Variants in UNC13C observed in about 807,000 individuals in gnomAD.
UNC13C encodes the protein unc-13 homolog C, also known as protein unc-13 homolog C.
Under a neutral mutation model 245.4 loss-of-function variants are expected in UNC13C, and 174 were observed. That is an observed-to-expected ratio of 0.71 (90% CI 0.63 to 0.80). The LOEUF is 0.80. Among genes scored for constraint, UNC13C ranks in the 30% least tolerant of loss-of-function variants. The pLI, the probability that UNC13C is intolerant of heterozygous loss-of-function variation, is 0.00. For synonymous variants in UNC13C, 992 were observed against 895.1 expected (o/e 1.11, Z -1.93); for missense variants, 2,829 against 2,602.9 (o/e 1.09, Z -1.89).
chr15:54,429,851 A>G (rs2040836451), intron 19 of UNC13C, among the ~76,000 whole-genome samples: 1 of 151,732 alleles, frequency 6.6e-6, no homozygotes. Flanking sequence ...CAGAAAGTAA[A>G]AAGTAATATA....
chr15:54,431,167 G>T (rs1231243294), intron 19 of UNC13C, among the ~76,000 whole-genome samples: 1 of 151,724 alleles, frequency 6.6e-6, no homozygotes, highest in Admixed American at 6.6e-5. Flanking sequence ...ATATATCCAA[G>T]AAATTTAATG....
chr15:54,349,693 A>G (rs2038937377), intron 17 of UNC13C, among the ~76,000 whole-genome samples: 1 of 152,214 alleles, frequency 6.6e-6, no homozygotes, highest in Non-Finnish European at 1.5e-5. Context: ...GTTGGCAAGT[A>G]AGCCGGGAGC....
intron 1 of UNC13C, among the ~76,000 whole-genome samples, chr15:53,996,603 G>A (rs1566938057): frequency 6.6e-6 from 1 of 152,078 alleles, no homozygotes; most frequent in African/African-American, 2.4e-5. Flanking sequence ...ACCCTAGAAA[G>A]CTTTCTCATA....
At chr15:54,175,508 ATTT>A (rs55925649) in intron 4 of UNC13C, among the ~76,000 whole-genome samples, 14 of 105,978 alleles carry the variant, frequency 1.3e-4, no homozygotes, top group Non-Finnish European at 1.3e-4. Flanking sequence ...TGGCCCTAGA[ATTT>A]TTTTTTTTTT....
At chr15:54,187,993 T>C (rs866392139) in intron 4 of UNC13C, among the ~76,000 whole-genome samples, 3 of 152,164 alleles carry the variant, frequency 2.0e-5, no homozygotes, top group Non-Finnish European at 4.4e-5. Flanking sequence ...AATTTTTATA[T>C]TTTTTGTAGA....
At chr15:53,861,342 G>C in the UNC13C span, among the ~76,000 whole-genome samples, 2 of 152,092 alleles carry the variant, frequency 1.3e-5, no homozygotes, top group Non-Finnish European at 2.9e-5. Context: ...GATATAATTG[G>C]AAACTTTATC....
chr15:54,342,336 A>C (rs1351768338), intron 17 of UNC13C, among the ~76,000 whole-genome samples: 3 of 152,298 alleles, frequency 2.0e-5, no homozygotes, highest in Non-Finnish European at 4.4e-5. Flanking sequence ...ACTTCTATAA[A>C]ATTGGATTTT....
intron 4 of UNC13C, among the ~76,000 whole-genome samples, chr15:54,214,913 C>T (rs937714716): frequency 6.6e-6 from 1 of 151,658 alleles, no homozygotes; most frequent in African/African-American, 2.4e-5. Flanking sequence ...AAATTGAGAC[C>T]CTAAATAGCA....
At chr15:54,338,009 A>G (rs1050206548) in intron 16 of UNC13C, among the ~76,000 whole-genome samples, 3 of 152,142 alleles carry the variant, frequency 2.0e-5, no homozygotes, top group Admixed American at 6.5e-5. Flanking sequence ...ACTTAAGCCC[A>G]TGAGGAAAGG....
intron 22 of UNC13C, among the ~76,000 whole-genome samples, chr15:54,504,341 T>C (rs1044244469): frequency 1.8e-4 from 27 of 152,196 alleles, no homozygotes; most frequent in African/African-American, 6.5e-4. Flanking sequence ...TGATAATTCA[T>C]TGAGCATTAT....
chr15:54,082,536 C>T (rs1035164053), intron 2 of UNC13C, among the ~76,000 whole-genome samples: 3 of 152,128 alleles, frequency 2.0e-5, no homozygotes, highest in Admixed American at 1.3e-4. Context: ...CATTGAGTTT[C>T]CTTGCAATCT....
chr15:54,082,402 C>T (rs1037069560), intron 2 of UNC13C, among the ~76,000 whole-genome samples: 2 of 152,080 alleles, frequency 1.3e-5, no homozygotes, highest in Non-Finnish European at 1.5e-5. Flanking sequence ...ATCATAATGC[C>T]GATTAGTCAT....
chr15:54,405,481 G>A (rs895721295), intron 18 of UNC13C, among the ~76,000 whole-genome samples: 3 of 152,094 alleles, frequency 2.0e-5, no homozygotes, highest in African/African-American at 7.2e-5. Flanking sequence ...AACAAACTCT[G>A]CCTTTTAAAT....
In UNC13C at chr15:54,013,079, T is replaced by G. The variant is rs867089541; in HGVS notation, c.176T>G (p.Phe59Cys). The change falls in exon 2 of 33, where the codon TTT (phenylalanine) becomes TGT (cysteine). Residue 59 changes from phenylalanine to cysteine, a missense_variant. Transcript: ENST00000260323. The part of the protein sequence containing the change: ...QTKSPKFSYT[F>C]KSTVKKIAKC... ...AAATCCCCCAAATTTTCTTACACTT[T>G]TAAAAGCACTGTAAAGAAGATTGCA... 1 of 1,613,888 alleles carries G rather than the reference T, an allele frequency of 6.2e-7. No individual in the cohort carries two copies. The highest frequency in any genetic ancestry group is 1.7e-5 in the Admixed American group (1 of 59,978).
chr15:54,379,035 G>A (rs995660024), intron 17 of UNC13C, among the ~76,000 whole-genome samples: 11 of 151,848 alleles, frequency 7.2e-5, no homozygotes, highest in African/African-American at 2.4e-4. Flanking sequence ...TCTAATATAT[G>A]GAAATTCCTA....
chr15:54,069,192 G>A (rs554622832), intron 2 of UNC13C, among the ~76,000 whole-genome samples: 13 of 152,248 alleles, frequency 8.5e-5, no homozygotes, highest in Middle Eastern at 3.4e-3. Context: ...GAAGGAGTGC[G>A]TTCCTCTTCT....
At position 54,048,726 on chromosome 15, in the gene UNC13C, C is replaced by A. The variant is rs146508222; in HGVS notation, c.2983+32840C>A. The A allele has an allele frequency of 2.2e-3, 611 of 281,060 alleles. 7 individuals carry two copies. The highest frequency in any genetic ancestry group is 0.013 in the African/African-American group (593 of 44,410). 17.4% of individuals were successfully genotyped at this position (281,060 alleles called of 1,614,324 possible). ...ATCATCTTCCCATTTTGAACTGCCT[C>A]CATATTCAGGGAGAATAACAGGATA... On this transcript the variant is annotated intron_variant, in intron 2 of 32. Transcript: ENST00000260323.
chr15:54,608,150 A>G (rs1899877222), intron 30 of UNC13C, among the ~76,000 whole-genome samples: 1 of 152,236 alleles, frequency 6.6e-6, no homozygotes, highest in South Asian at 2.1e-4. Context: ...AAAAACACTT[A>G]TATTTAAGTT....
chr15:54,547,276 C>T (rs1896528552), intron 27 of UNC13C, among the ~76,000 whole-genome samples: 1 of 151,958 alleles, frequency 6.6e-6, no homozygotes, highest in South Asian at 2.1e-4. Context: ...TCATCTCTTA[C>T]CTCCCCACTT....
Sources: gnomAD v4.1 joint callset for allele counts (sites outside exome capture counted in the v4.1 genomes callset) on GRCh38, gnomAD v4.1.1 for gene constraint, MANE v1.5 for transcripts, NCBI Gene and HGNC (gene_info 2026-07-23, HGNC 2026-07-21) for gene names.